DNAJC13: variants seen among roughly 807,000 people sequenced by gnomAD.
The protein encoded by DNAJC13 is DnaJ heat shock protein family (Hsp40) member C13, also known as dnaJ homolog subfamily C member 13.
In DNAJC13, 75 loss-of-function variants were observed where a neutral mutation model predicts 290.5. The observed-to-expected ratio is 0.26, with a 90% CI of 0.21 to 0.31. The LOEUF (loss-of-function observed/expected upper bound fraction) is 0.31. Among genes scored for constraint, DNAJC13 ranks in the 10% least tolerant of loss-of-function variants. DNAJC13 has a pLI of 1.00. For synonymous variants in DNAJC13, 862 were observed against 892.0 expected, an observed-to-expected ratio of 0.97 and a Z score of 0.60; for missense variants, 2,260 against 2,674.5, an observed-to-expected ratio of 0.85 and a Z score of 3.42.
In DNAJC13 at chr3:132,511,259, C is replaced by T; in HGVS notation, c.5293+15C>T. 6.2e-7 allele frequency: 1 copy of T among 1,612,732 alleles called. No individual in the cohort carries two copies. The highest frequency in any genetic ancestry group is 1.1e-5 in the South Asian group (1 of 90,968). Reference sequence around the variant, plus strand: ...ATACAATCCAGGTATGTGACTACACCTTTGATCAATAAGACTCGTATAATA... The same window carrying T: ...ATACAATCCAGGTATGTGACTACACTTTTGATCAATAAGACTCGTATAATA... On this transcript the variant is annotated intron_variant, in intron 44 of 55. Coordinates refer to ENST00000260818, the MANE Select transcript of DNAJC13 (RefSeq NM_015268.4).
chr3:132,525,499 C>T, intron 51 of DNAJC13, 111 bp from the exon 52 acceptor site: 1 of 1,062,960 alleles, frequency 9.4e-7, no homozygotes, highest in Non-Finnish European at 1.4e-6. Flanking sequence ...TTTCAAGTAT[C>T]AGCACTTAGA....
In DNAJC13 at chr3:132,538,167, C is replaced by T. The variant is rs901184794; in HGVS notation, c.6626-9C>T. On this transcript the variant is annotated splice_polypyrimidine_tract_variant and intron_variant, in intron 55 of 55. Transcript: ENST00000260818. ...TCTAGAGGTGTGTGTTTACCTTTCT[C>T]TCTTGCAGGACCTGGAGTTGCTGGC... is the stretch of plus-strand genomic sequence containing the variant. The T allele has an allele frequency of 1.2e-6, 2 of 1,612,538 alleles. No homozygotes were observed. The highest frequency in any genetic ancestry group is 1.7e-6 in the Non-Finnish European group (2 of 1,178,894).
At chr3:132,472,279 C>T (rs1934306480) in intron 20 of DNAJC13, among the ~76,000 whole-genome samples, 1 of 152,140 alleles carries the variant, frequency 6.6e-6, no homozygotes, top group African/African-American at 2.4e-5. Context: ...ACCTCTGGTC[C>T]ATGTACAGAC....
intron 1 of DNAJC13, among the ~76,000 whole-genome samples, chr3:132,418,895 A>G (rs1938876000): frequency 2.6e-5 from 4 of 152,272 alleles, no homozygotes; most frequent in Admixed American, 2.6e-4. Flanking sequence ...TTATGGGAGT[A>G]TGAAACAGAA....
intron 1 of DNAJC13, among the ~76,000 whole-genome samples, chr3:132,426,038 A>G (rs1939080854): frequency 6.6e-6 from 1 of 152,132 alleles, no homozygotes; most frequent in African/African-American, 2.4e-5. Flanking sequence ...TTTTAACCAT[A>G]AATGATCTTA....
At chr3:132,503,462 C>G in intron 41 of DNAJC13, 81 bp downstream of exon 41, 2 of 1,471,848 alleles carry the variant, frequency 1.4e-6, no homozygotes, top group Non-Finnish European at 1.8e-6. Context: ...TAATATTGAT[C>G]TAGGGAACCT....
chr3:132,422,945 T>A (rs879688378), intron 1 of DNAJC13, among the ~76,000 whole-genome samples: 2 of 152,160 alleles, frequency 1.3e-5, no homozygotes, highest in Non-Finnish European at 2.9e-5. Flanking sequence ...AATATCTCTT[T>A]GCAATGGATT....
intron 40 of DNAJC13, among the ~76,000 whole-genome samples, 194 bp downstream of exon 40, chr3:132,502,662 C>T (rs1226282438): frequency 6.6e-6 from 1 of 152,106 alleles, no homozygotes; most frequent in African/African-American, 2.4e-5. Flanking sequence ...TAAAGGATTC[C>T]AGGCAAGGGA....
chr3:132,429,672 T>A (rs532564778), intron 1 of DNAJC13, among the ~76,000 whole-genome samples: 1 of 152,196 alleles, frequency 6.6e-6, no homozygotes, highest in Non-Finnish European at 1.5e-5. Context: ...AAAAGCATTA[T>A]CCTGATTTCC....
chr3:132,471,842 G>T (rs1037576237), intron 20 of DNAJC13, among the ~76,000 whole-genome samples: 25 of 147,770 alleles, frequency 1.7e-4, no homozygotes, highest in African/African-American at 6.1e-4. Flanking sequence ...CCCAGACGGG[G>T]TGGCGGCCGG....
At chr3:132,480,274 G>C in intron 25 of DNAJC13, 95 bp from the exon 26 acceptor site, 1 of 672,010 alleles carries the variant, frequency 1.5e-6, no homozygotes, top group Non-Finnish European at 2.5e-6. Context: ...CGAGGACCTT[G>C]TAGGTGGTAG....
intron 55 of DNAJC13, among the ~76,000 whole-genome samples, chr3:132,534,729 G>A (rs1203058505): frequency 6.6e-6 from 1 of 152,192 alleles, no homozygotes; most frequent in Non-Finnish European, 1.5e-5. Context: ...TGAAATTGTA[G>A]TATATAAGAT....
intron 55 of DNAJC13, 33 bp downstream of exon 55, chr3:132,531,130 C>T (rs1184158260): frequency 1.3e-6 from 2 of 1,590,420 alleles, no homozygotes; most frequent in Non-Finnish European, 1.7e-6. Flanking sequence ...TTGTAAGACA[C>T]CTGGCAGAAG....
At chr3:132,533,659 T>A (rs1384229287) in intron 55 of DNAJC13, among the ~76,000 whole-genome samples, 1 of 152,150 alleles carries the variant, frequency 6.6e-6, no homozygotes, top group African/African-American at 2.4e-5. Context: ...TGGTCAGCCT[T>A]ATTTTTCTTA....
chr3:132,508,964 G>A (rs1201201422), intron 43 of DNAJC13, among the ~76,000 whole-genome samples: 3 of 152,184 alleles, frequency 2.0e-5, no homozygotes, highest in African/African-American at 2.4e-5. Context: ...CAAGAGCTCC[G>A]ATGGAGATGT....
chr3:132,504,649 T>C (rs932094078), intron 41 of DNAJC13, among the ~76,000 whole-genome samples: 8 of 152,196 alleles, frequency 5.3e-5, no homozygotes, highest in African/African-American at 1.9e-4. Flanking sequence ...TGTTTTCCTA[T>C]TAGCAGTAGA....
At chr3:132,486,008 A>T (rs1258614890) in intron 29 of DNAJC13, among the ~76,000 whole-genome samples, 1 of 148,520 alleles carries the variant, frequency 6.7e-6, no homozygotes, top group Non-Finnish European at 1.5e-5. Flanking sequence ...TTTTACATTC[A>T]CTTATTTACT....
At chr3:132,455,531 C>T (rs1933569533) in intron 9 of DNAJC13, among the ~76,000 whole-genome samples, 1 of 152,076 alleles carries the variant, frequency 6.6e-6, no homozygotes, top group Non-Finnish European at 1.5e-5. Flanking sequence ...GAGACTTGCA[C>T]ATGAATGTTC....
chr3:132,463,828 T>C lies in DNAJC13; in HGVS notation c.1892+11T>C. 3 of 1,599,070 alleles carry C rather than the reference T, an allele frequency of 1.9e-6. No individual in the cohort carries two copies. The South Asian group carries it at 3.4e-5, about 18-fold the overall frequency. ...GATGCTTACAAATAGGTAGGTGATT[T>C]AATTCAATTTGCTGCAATTTAACTT... On this transcript the variant is annotated intron_variant, in intron 17 of 55. Transcript: ENST00000260818.
Sources: allele counts gnomAD v4.1 joint callset (sites outside exome capture counted in the v4.1 genomes callset), GRCh38; gene constraint gnomAD v4.1.1; transcripts MANE v1.5; gene names NCBI Gene and HGNC (gene_info 2026-07-23, HGNC 2026-07-21).